The following DENND2B variants were observed in gnomAD, a reference collection of about 807,000 sequenced individuals.
DENND2B encodes the protein DENN domain-containing protein 2B.
A neutral mutation model predicts 116.0 loss-of-function variants in DENND2B; 32 were observed. The observed-to-expected ratio is 0.28, with a 90% CI of 0.21 to 0.37. DENND2B has a LOEUF of 0.37. Among genes scored for constraint, DENND2B ranks in the 10% least tolerant of loss-of-function variants. The pLI, the probability that DENND2B is intolerant of heterozygous loss-of-function variation, is 1.00. For synonymous variants in DENND2B, 588 were observed against 583.9 expected (o/e 1.01, Z -0.10); for missense variants, 1,276 against 1,477.7 (o/e 0.86, Z 2.24).
chr11:8,762,902 A>G (rs1321355471), intron 1 of DENND2B, among the ~76,000 whole-genome samples: 1 of 152,216 alleles, frequency 6.6e-6, no homozygotes, highest in Non-Finnish European at 1.5e-5. Flanking sequence ...CTGACAAATT[A>G]GACTACATTA....
chr11:8,823,403 T>C (rs1312825339), intron 4 of DENND2B, among the ~76,000 whole-genome samples: 1 of 152,196 alleles, frequency 6.6e-6, no homozygotes, highest in African/African-American at 2.4e-5. Context: ...CCATCTGTTT[T>C]TATCACATTT....
chr11:8,908,276 A>T (rs2064264830), intron 1 of DENND2B, among the ~76,000 whole-genome samples: 1 of 152,212 alleles, frequency 6.6e-6, no homozygotes, highest in South Asian at 2.1e-4. Context: ...AAAAGTTTCA[A>T]AGAGCTGACC....
intron 1 of DENND2B, among the ~76,000 whole-genome samples, chr11:8,897,400 C>T (rs939086732): frequency 3.3e-5 from 5 of 152,148 alleles, no homozygotes; most frequent in African/African-American, 9.7e-5. Context: ...CACTCCCTAC[C>T]CCCAGCTCCA....
At chr11:8,784,868 G>C (rs2058747518) in intron 1 of DENND2B, among the ~76,000 whole-genome samples, 1 of 151,828 alleles carries the variant, frequency 6.6e-6, no homozygotes, top group Admixed American at 6.6e-5. Flanking sequence ...AACAGAGTGA[G>C]AAAAAAAGTG....
chr11:8,722,664 TC>T (rs2046388083), intron 4 of DENND2B, among the ~76,000 whole-genome samples: 1 of 152,106 alleles, frequency 6.6e-6, no homozygotes, highest in Non-Finnish European at 1.5e-5. Context: ...CCCTCTGGCC[TC>T]CCTAGTCAGG....
intron 2 of DENND2B, among the ~76,000 whole-genome samples, chr11:8,866,028 C>G (rs1044691399): frequency 4.6e-5 from 7 of 152,006 alleles, no homozygotes; most frequent in African/African-American, 9.7e-5. Context: ...GGCGCGATCT[C>G]GGCTCACTGC....
intron 1 of DENND2B, among the ~76,000 whole-genome samples, chr11:8,793,910 A>G (rs1206557177): frequency 6.6e-6 from 1 of 152,036 alleles, no homozygotes; most frequent in Non-Finnish European, 1.5e-5. Flanking sequence ...TTTTCGTGTA[A>G]AACTAAATGT....
intron 2 of DENND2B, among the ~76,000 whole-genome samples, chr11:8,743,260 C>T (rs940972800): frequency 4.0e-5 from 6 of 151,692 alleles, no homozygotes; most frequent in African/African-American, 1.5e-4. Context: ...GTTAAGCCCC[C>T]AAAAACTGGC....
Position 8,847,095 on chromosome 11 carries a change from C to T in DENND2B, c.-155-7745G>A, listed in dbSNP as rs1202970788. Among the ~76,000 whole-genome samples, 3 of 152,264 alleles carry T rather than the reference C, an allele frequency of 2.0e-5. No individual in the cohort carries two copies. The South Asian group carries it at 6.2e-4, about 31-fold the overall frequency. Reference sequence around the variant, plus strand: ...ATAGTCTTTGGCTTAGGGCTTCACACTTGCTAACCACTCAGTGAAACTTCT... The same window carrying T: ...ATAGTCTTTGGCTTAGGGCTTCACATTTGCTAACCACTCAGTGAAACTTCT... On this transcript the variant is annotated intron_variant, in intron 3 of 6. Coordinates refer to the DENND2B transcript ENST00000524757.
chr11:8,748,938 A>G (rs551930376), intron 2 of DENND2B, among the ~76,000 whole-genome samples: 3 of 151,604 alleles, frequency 2.0e-5, no homozygotes, highest in East Asian at 3.9e-4. Context: ...AATTAGAAGG[A>G]AAAAAAAAGA....
chr11:8,728,349 C>T (rs951237074), intron 3 of DENND2B, among the ~76,000 whole-genome samples: 2 of 152,062 alleles, frequency 1.3e-5, no homozygotes, highest in African/African-American at 2.4e-5. Flanking sequence ...AAGAATCACA[C>T]TTGGTATAAC....
rs143398989 is a variant in DENND2B, at chr11:8,815,719, C to G, written c.-114-4384G>C. On this transcript the variant is annotated intron_variant, in intron 4 of 6. Transcript: ENST00000524757. ...CAGTTTAAAGATGCCTTTACTATAGCGTTGATATCACTTTATCACTGTTAC... is the reference window on the plus strand; with the variant it reads ...CAGTTTAAAGATGCCTTTACTATAGGGTTGATATCACTTTATCACTGTTAC... 3.7e-4 allele frequency among the ~76,000 whole-genome samples: 56 copies of G among 152,342 alleles called. No homozygotes were observed. In the East Asian group the frequency reaches 9.3e-3, roughly 25 times the overall value.
chr11:8,905,350 A>G (rs958564477), intron 1 of DENND2B, among the ~76,000 whole-genome samples: 8 of 152,238 alleles, frequency 5.3e-5, no homozygotes, highest in African/African-American at 1.9e-4. Flanking sequence ...ATGAAAAGAA[A>G]TGAATCTAGA....
At chr11:8,726,003 T>TGAG in intron 4 of DENND2B, 70 bp downstream of exon 4, 3 of 1,604,618 alleles carry the variant, frequency 1.9e-6, no homozygotes, top group South Asian at 2.2e-5. Context: ...TCAATCTAGG[T>TGAG]GTCTCCTCCT....
intron 1 of DENND2B, among the ~76,000 whole-genome samples, chr11:8,758,623 G>A (rs558168796): frequency 1.3e-5 from 2 of 152,258 alleles, no homozygotes; most frequent in East Asian, 3.9e-4. Context: ...CAGGTGAATA[G>A]AAAGAAAAAT....
intron 14 of DENND2B, among the ~76,000 whole-genome samples, chr11:8,700,441 T>C (rs1410225533): frequency 6.6e-6 from 1 of 152,220 alleles, no homozygotes; most frequent in Non-Finnish European, 1.5e-5. Context: ...CTGGTTTTTC[T>C]TCCTCCTTTC....
At chr11:8,836,084 A>G (rs1435665451) in intron 4 of DENND2B, among the ~76,000 whole-genome samples, 3 of 151,638 alleles carry the variant, frequency 2.0e-5, no homozygotes, top group Non-Finnish European at 4.4e-5. Context: ...ATGGTGACTC[A>G]TGCCTGTAAT....
At chr11:8,864,728 G>A (rs370758070) in intron 2 of DENND2B, among the ~76,000 whole-genome samples, 1 of 152,278 alleles carries the variant, frequency 6.6e-6, no homozygotes, top group East Asian at 1.9e-4. Flanking sequence ...ACACAAGAAA[G>A]GAAAAGTATA....
chr11:8,727,146 T>C (rs965415310), intron 3 of DENND2B, among the ~76,000 whole-genome samples: 3 of 152,076 alleles, frequency 2.0e-5, no homozygotes, highest in African/African-American at 7.2e-5. Flanking sequence ...CCCCGCAGGC[T>C]CCTGGGGAGG....
Sources: allele counts gnomAD v4.1 joint callset (sites outside exome capture counted in the v4.1 genomes callset), GRCh38; gene constraint gnomAD v4.1.1; transcripts MANE v1.5; gene names NCBI Gene and HGNC (gene_info 2026-07-23, HGNC 2026-07-21).